Variants in RSBN1L observed in about 807,000 individuals in gnomAD.
RSBN1L encodes the protein lysine-specific demethylase RSBN1L.
Under a neutral mutation model 67.7 loss-of-function variants are expected in RSBN1L, and 30 were observed. The ratio of observed to expected loss-of-function variants is 0.44; its 90% CI spans 0.33 to 0.60. The LOEUF is 0.60. Ranked by LOEUF, RSBN1L falls within the 20% of genes least tolerant of loss-of-function variation. The probability of loss-of-function intolerance (pLI) is 0.02; values close to 1 mark genes in which losing one functional copy is unlikely to be tolerated. For missense variants in RSBN1L, 992 were observed against 1,031.7 expected, an observed-to-expected ratio of 0.96 and a Z score of 0.53; for synonymous variants, 433 against 387.0, an observed-to-expected ratio of 1.12 and a Z score of -1.39.
At chr7:77,718,687 T>C (rs1042704950) in intron 1 of RSBN1L, among the ~76,000 whole-genome samples, 5 of 152,238 alleles carry the variant, frequency 3.3e-5, no homozygotes, top group African/African-American at 9.6e-5. Context: ...TTTCATTATC[T>C]ATAATAAGAC....
chr7:77,734,723 G>A (rs1417317638), intron 1 of RSBN1L, among the ~76,000 whole-genome samples: 2 of 151,982 alleles, frequency 1.3e-5, no homozygotes, highest in South Asian at 2.1e-4. Flanking sequence ...TCCTGACCTC[G>A]GGTGATCCGC....
intron 2 of RSBN1L, among the ~76,000 whole-genome samples, chr7:77,739,768 T>G (rs1791384822): frequency 9.8e-6 from 1 of 102,030 alleles, no homozygotes; most frequent in East Asian, 2.8e-4. Flanking sequence ...TTTTTTTTTT[T>G]GAGAGGAGTC....
At chr7:77,721,742 T>A (rs1791122658) in intron 1 of RSBN1L, among the ~76,000 whole-genome samples, 1 of 152,082 alleles carries the variant, frequency 6.6e-6, no homozygotes, top group South Asian at 2.1e-4. Context: ...AGAAGGTGAG[T>A]CTTAACTGAA....
chr7:77,763,579 A>G (rs2150430768), intron 3 of RSBN1L, among the ~76,000 whole-genome samples: 1 of 152,346 alleles, frequency 6.6e-6, no homozygotes, highest in Middle Eastern at 3.4e-3. Context: ...ACTGTTGTAG[A>G]GTTAGGCTTT....
chr7:77,707,910 A>G (rs902861572), intron 1 of RSBN1L, among the ~76,000 whole-genome samples: 2 of 152,228 alleles, frequency 1.3e-5, no homozygotes, highest in Non-Finnish European at 2.9e-5. Flanking sequence ...CTGTGGTTTT[A>G]TATAATTTTC....
Position 77,720,916 on chromosome 7 carries a change from C to T in RSBN1L, c.587-15494C>T, listed in dbSNP as rs567584029. Among the ~76,000 whole-genome samples, 41 of 151,902 alleles carry T rather than the reference C, an allele frequency of 2.7e-4. 1 individual carries two copies. In the South Asian group the frequency reaches 7.7e-3, roughly 28 times the overall value. ...GAATTACAGGCGTGGGCGACCTTGC[C>T]CGGCTACATTTTGTATTTTTAGTAG... On this transcript the variant is annotated intron_variant, in intron 1 of 7. Transcript: ENST00000334955.
Position 77,782,231 on chromosome 7 carries a change from C to G in RSBN1L, c.*3063C>G, listed in dbSNP as rs777542008. The G allele has an allele frequency of 3.3e-5, 5 of 151,988 alleles. No individual in the cohort carries two copies. Among genetic ancestry groups the G allele is most frequent in the Non-Finnish European group, 5.9e-5 (4 of 68,000 alleles). 9.4% of individuals were successfully genotyped at this position (151,988 alleles called of 1,614,324 possible). A position where few individuals can be genotyped will look rare whatever the true frequency, so the allele number is the denominator to read the frequency against. On this transcript the variant is annotated 3_prime_UTR_variant, in exon 8 of 8. Coordinates refer to ENST00000334955, the MANE Select transcript of RSBN1L (RefSeq NM_198467.3). ...TTCCAGTTCTTTATCTGAATACAAG[C>G]GTTTTGCTTTTATTTCCAGTTTCTT...
chr7:77,738,753 G>C (rs901169055), intron 2 of RSBN1L, among the ~76,000 whole-genome samples: 3 of 152,014 alleles, frequency 2.0e-5, no homozygotes, highest in Non-Finnish European at 4.4e-5. Flanking sequence ...TTCAAGACCA[G>C]CCTGGCCAAG....
At chr7:77,738,920 C>CAG (rs1260501282) in intron 2 of RSBN1L, among the ~76,000 whole-genome samples, 1 of 152,126 alleles carries the variant, frequency 6.6e-6, no homozygotes, top group African/African-American at 2.4e-5. Flanking sequence ...GCCTGGGCAA[C>CAG]AGAGAGAGAC....
chr7:77,704,455 T>G (rs1790861927), intron 1 of RSBN1L, among the ~76,000 whole-genome samples: 1 of 152,242 alleles, frequency 6.6e-6, no homozygotes, highest in South Asian at 2.1e-4. Context: ...TTGAAAAGTT[T>G]AACTTTTTAA....
intron 3 of RSBN1L, among the ~76,000 whole-genome samples, chr7:77,762,070 C>T (rs535699723): frequency 1.1e-4 from 16 of 152,084 alleles, no homozygotes; most frequent in Non-Finnish European, 1.0e-4. Context: ...TCTACCTGTA[C>T]ATTCTGGTTA....
intron 1 of RSBN1L, among the ~76,000 whole-genome samples, chr7:77,700,074 C>T (rs776285708): frequency 3.4e-4 from 52 of 152,240 alleles, no homozygotes; most frequent in Middle Eastern, 3.4e-3. Flanking sequence ...AGATTACAGG[C>T]GTGAGCCACC....
chr7:77,720,555 G>A (rs566881753), intron 1 of RSBN1L, among the ~76,000 whole-genome samples: 40 of 151,624 alleles, frequency 2.6e-4, no homozygotes, highest in Non-Finnish European at 3.4e-4. Context: ...GCGAAACTCC[G>A]TTAAAAAAAA....
intron 3 of RSBN1L, among the ~76,000 whole-genome samples, chr7:77,755,353 G>A (rs562976885): frequency 6.6e-6 from 1 of 152,250 alleles, no homozygotes; most frequent in African/African-American, 2.4e-5. Flanking sequence ...ATATTTTTAA[G>A]TTGAAAATGC....
chr7:77,703,488 T>G (rs964559222), intron 1 of RSBN1L, among the ~76,000 whole-genome samples: 8 of 126,514 alleles, frequency 6.3e-5, no homozygotes, highest in African/African-American at 9.1e-5. Flanking sequence ...TTTTTTTTTT[T>G]TTTTTTTTTT....
At chr7:77,760,719 G>A (rs1490067513) in intron 3 of RSBN1L, among the ~76,000 whole-genome samples, 1 of 152,080 alleles carries the variant, frequency 6.6e-6, no homozygotes, top group African/African-American at 2.4e-5. Context: ...TGCAACCTCC[G>A]CCTCCTGGGT....
chr7:77,712,238 T>C (rs1180498882), intron 1 of RSBN1L, among the ~76,000 whole-genome samples: 4 of 152,246 alleles, frequency 2.6e-5, no homozygotes, highest in Admixed American at 6.5e-5. Context: ...TATAATTTTT[T>C]ATGCATATGC....
chr7:77,727,283 C>T (rs948024140), intron 1 of RSBN1L, among the ~76,000 whole-genome samples: 4 of 151,952 alleles, frequency 2.6e-5, no homozygotes, highest in South Asian at 2.1e-4. Flanking sequence ...GACGGGGTTT[C>T]TCCATGTTGG....
At chr7:77,742,180 A>ACACACACACAC (rs60910312) in intron 2 of RSBN1L, among the ~76,000 whole-genome samples, 2 of 82,170 alleles carry the variant, frequency 2.4e-5, no homozygotes, top group African/African-American at 1.2e-4. Context: ...AAAAAAAAAA[A>ACACACACACAC]ATACACACAC....
Sources: gnomAD v4.1 joint callset for allele counts (sites outside exome capture counted in the v4.1 genomes callset) on GRCh38, gnomAD v4.1.1 for gene constraint, MANE v1.5 for transcripts, NCBI Gene and HGNC (gene_info 2026-07-23, HGNC 2026-07-21) for gene names.